The following PTPRA variants were observed in gnomAD, a reference collection of about 807,000 sequenced individuals.
PTPRA encodes the protein protein tyrosine phosphatase receptor type A.
In PTPRA, 25 loss-of-function variants were observed where a neutral mutation model predicts 104.8. That is an observed-to-expected ratio of 0.24 (90% CI 0.17 to 0.33). The LOEUF (loss-of-function observed/expected upper bound fraction) is 0.33, where lower values mean the gene tolerates loss of function less well. PTPRA is among the 10% of genes least tolerant of loss of function. The pLI, the probability that PTPRA is intolerant of heterozygous loss-of-function variation, is 1.00. For missense variants in PTPRA, 765 were observed against 1,015.3 expected (o/e 0.75, Z 3.35); for synonymous variants, 323 against 368.9 (o/e 0.88, Z 1.43).
intron 5 of PTPRA, among the ~76,000 whole-genome samples, chr20:2,971,895 C>T (rs932054280): frequency 6.6e-6 from 1 of 152,000 alleles, no homozygotes; most frequent in African/African-American, 2.4e-5. Flanking sequence ...AGTGCAGTGG[C>T]GCCATCTCAG....
At chr20:2,948,819 G>A (rs2147770451) in intron 3 of PTPRA, among the ~76,000 whole-genome samples, 1 of 152,196 alleles carries the variant, frequency 6.6e-6, no homozygotes, top group East Asian at 1.9e-4. Context: ...GGGCGTGGTG[G>A]CGGGCACCTG....
intron 2 of PTPRA, among the ~76,000 whole-genome samples, chr20:2,941,026 G>GGT (rs2060895823): frequency 2.0e-5 from 3 of 150,908 alleles, no homozygotes; most frequent in East Asian, 1.9e-4. Flanking sequence ...TTTTTTGGGG[G>GGT]TTTTTTTTGT....
At chr20:2,948,065 T>C (rs2061204671) in intron 3 of PTPRA, 41 bp downstream of exon 3, 2 of 954,480 alleles carry the variant, frequency 2.1e-6, no homozygotes, top group South Asian at 2.8e-5. Context: ...TCTACAAGAA[T>C]AGAGGAAGAA....
intron 6 of PTPRA, among the ~76,000 whole-genome samples, chr20:2,977,515 C>T (rs920950310): frequency 2.6e-5 from 4 of 151,400 alleles, no homozygotes; most frequent in Admixed American, 6.6e-5. Context: ...GCATGTGGTA[C>T]GTACCTGTAG....
At chr20:2,954,054 C>T (rs907751937) in intron 3 of PTPRA, among the ~76,000 whole-genome samples, 1 of 149,618 alleles carries the variant, frequency 6.7e-6, no homozygotes, top group African/African-American at 2.5e-5. Context: ...CGTCTACAGG[C>T]ATGTGCCACC....
chr20:2,974,018 C>G (rs1234331100), intron 5 of PTPRA, among the ~76,000 whole-genome samples: 1 of 145,052 alleles, frequency 6.9e-6, no homozygotes, highest in East Asian at 2.0e-4. Context: ...GTGGCGTGAT[C>G]TCTGCTCACC....
rs1428818409 is a variant in PTPRA, at chr20:3,018,236, G to GT, written c.1041+330dup. 7.9e-5 allele frequency among the ~76,000 whole-genome samples: 12 copies of GT among 152,036 alleles called. No homozygotes were observed. The South Asian group carries it at 2.1e-3, about 26-fold the overall frequency. ...TTGTTGTTTTGTTTTGTTTTGTTTT[G>GT]TTTTTTTATTGATCATTCTTGGGTG... On this transcript the variant is annotated intron_variant, in intron 13 of 23. Coordinates refer to ENST00000399903, the MANE Select transcript of PTPRA (RefSeq NM_001385305.1).
At chr20:2,924,218 A>G (rs920367531) in intron 2 of PTPRA, among the ~76,000 whole-genome samples, 2 of 152,156 alleles carry the variant, frequency 1.3e-5, no homozygotes, top group African/African-American at 2.4e-5. Flanking sequence ...CCTGGTCAAC[A>G]TGGTGAAACC....
At chr20:2,875,231 C>T (rs766596189) in intron 1 of PTPRA, among the ~76,000 whole-genome samples, 1 of 152,130 alleles carries the variant, frequency 6.6e-6, no homozygotes, top group Non-Finnish European at 1.5e-5. Flanking sequence ...CCCGGCTTCC[C>T]CATGTCCATC....
rs905998811 is a variant in PTPRA, at chr20:3,017,150, G to T, written c.944-666G>T. Among the ~76,000 whole-genome samples the T allele has an allele frequency of 3.3e-5, 5 of 152,018 alleles. No individual in the cohort carries two copies. The East Asian group carries it at 9.7e-4, about 29-fold the overall frequency. On this transcript the variant is annotated intron_variant, in intron 12 of 23. Coordinates refer to ENST00000399903, the MANE Select transcript of PTPRA (RefSeq NM_001385305.1). ...TATATATCTTCTCTCAGTACCTTTA[G>T]ATACATGAGGTTTAATTTTTTTATC...
intron 5 of PTPRA, among the ~76,000 whole-genome samples, chr20:2,970,372 G>A (rs1185892275): frequency 6.6e-6 from 1 of 152,188 alleles, no homozygotes; most frequent in African/African-American, 2.4e-5. Flanking sequence ...ACTCTCTTCA[G>A]TGTGGTGAAT....
chr20:3,002,245 A>G (rs2148269641), intron 9 of PTPRA, among the ~76,000 whole-genome samples: 1 of 152,106 alleles, frequency 6.6e-6, no homozygotes, highest in South Asian at 2.1e-4. Context: ...TATCAAAGAC[A>G]GAAACGTTCA....
At chr20:2,916,759 A>G (rs1413468992) in intron 1 of PTPRA, among the ~76,000 whole-genome samples, 5 of 152,102 alleles carry the variant, frequency 3.3e-5, no homozygotes, top group African/African-American at 1.2e-4. Flanking sequence ...TTTATTTCTG[A>G]ACTCATTTAA....
intron 9 of PTPRA, among the ~76,000 whole-genome samples, chr20:2,997,868 T>C (rs1176773998): frequency 6.6e-6 from 1 of 152,234 alleles, no homozygotes; most frequent in Non-Finnish European, 1.5e-5. Context: ...CAGTTGTTCA[T>C]GCCTGTAATC....
At chr20:3,002,388 G>T in intron 9 of PTPRA, among the ~76,000 whole-genome samples, 1 of 145,858 alleles carries the variant, frequency 6.9e-6, no homozygotes, top group South Asian at 2.1e-4. Flanking sequence ...GTGCAATGGC[G>T]CAGTCTTGGC....
At position 3,017,886 on chromosome 20, in the gene PTPRA, G is replaced by T. The variant is rs747538317; in HGVS notation, c.1014G>T (p.Met338Ile). Reference sequence around the variant, plus strand: ...AACAAAACACAGCCACCATCGTCATGGTTACCAACCTGAAGGAGAGAAAGG... The same window carrying T: ...AACAAAACACAGCCACCATCGTCATTGTTACCAACCTGAAGGAGAGAAAGG... ...IWEQNTATIV[M>I]VTNLKERKEC... Residue 338 changes from methionine to isoleucine, a missense_variant, in exon 13 of 24, where the codon ATG (methionine) becomes ATT (isoleucine). This residue lies in a region of PTPRA where 245 missense variants were observed against 398.7 expected (regional missense o/e 0.61). Coordinates refer to ENST00000399903, the MANE Select transcript of PTPRA (RefSeq NM_001385305.1). 1.2e-6 allele frequency: 2 copies of T among 1,614,174 alleles called. No homozygotes were observed.
chr20:2,894,639 G>C (rs999970257), intron 1 of PTPRA, among the ~76,000 whole-genome samples: 1 of 151,626 alleles, frequency 6.6e-6, no homozygotes, highest in African/African-American at 2.4e-5. Flanking sequence ...TGTGCTACCA[G>C]TTTGTGATCT....
At position 3,022,286 on chromosome 20, in the gene PTPRA, C is replaced by A; in HGVS notation, c.1328+66C>A. Reference sequence around the variant, plus strand: ...CGCCCCCATGGCCAGAGCAGGGGAACAGCACAAGGGCCCTGGCTGAGGAGG... The same window carrying A: ...CGCCCCCATGGCCAGAGCAGGGGAAAAGCACAAGGGCCCTGGCTGAGGAGG... On this transcript the variant is annotated intron_variant, in intron 15 of 23. Coordinates refer to ENST00000399903, the MANE Select transcript of PTPRA (RefSeq NM_001385305.1). The surrounding 1 kb of genome is among the most constrained non-coding windows in gnomAD (Gnocchi z 4.6). 1 of 1,569,950 alleles carries A rather than the reference C, an allele frequency of 6.4e-7. No individual in the cohort carries two copies. Among genetic ancestry groups the A allele is most frequent in the Non-Finnish European group, 8.7e-7 (1 of 1,148,776 alleles).
At chr20:2,932,673 C>T (rs184920495) in intron 2 of PTPRA, among the ~76,000 whole-genome samples, 83 of 152,214 alleles carry the variant, frequency 5.5e-4, no homozygotes, top group African/African-American at 2.0e-3. Context: ...GGCTGCTGTG[C>T]TAGAAACTGA....
Sources: gnomAD v4.1 joint callset for allele counts (sites outside exome capture counted in the v4.1 genomes callset) on GRCh38, gnomAD v4.1.1 for gene constraint, gnomAD v4.1.1 regional missense constraint, Gnocchi (gnomAD v3.1) non-coding constraint, MANE v1.5 for transcripts, NCBI Gene and HGNC (gene_info 2026-07-23, HGNC 2026-07-21) for gene names.